The following HPSE2 variants were observed in gnomAD, a reference collection of about 807,000 sequenced individuals.
The protein encoded by HPSE2 is inactive heparanase-2.
In HPSE2, 38 loss-of-function variants were observed where a neutral mutation model predicts 60.5. The ratio of observed to expected loss-of-function variants is 0.63; its 90% CI spans 0.48 to 0.82. The LOEUF (loss-of-function observed/expected upper bound fraction) is 0.82, where lower values mean the gene tolerates loss of function less well. HPSE2 is among the 40% of genes least tolerant of loss of function. HPSE2 has a pLI of 0.00. For missense variants in HPSE2, 713 were observed against 740.4 expected, an observed-to-expected ratio of 0.96 and a Z score of 0.43; for synonymous variants, 295 against 293.2, an observed-to-expected ratio of 1.01 and a Z score of -0.06.
At chr10:99,139,035 C>G (rs2135762218) in intron 3 of HPSE2, among the ~76,000 whole-genome samples, 1 of 152,218 alleles carries the variant, frequency 6.6e-6, no homozygotes, top group African/African-American at 2.4e-5. Context: ...TGGAACCACC[C>G]TAAGGGCCCA....
At chr10:98,747,525 C>A (rs1468750706) in intron 3 of HPSE2, among the ~76,000 whole-genome samples, 1 of 152,088 alleles carries the variant, frequency 6.6e-6, no homozygotes, top group African/African-American at 2.4e-5. Context: ...AATGTGTCAA[C>A]ATAAAGAGCA....
At chr10:98,711,016 A>G (rs958932226) in intron 5 of HPSE2, among the ~76,000 whole-genome samples, 1 of 152,124 alleles carries the variant, frequency 6.6e-6, no homozygotes, top group Non-Finnish European at 1.5e-5. Flanking sequence ...ATGTGAGAGA[A>G]TAACACATAT....
At chr10:98,682,391 A>C (rs570981755) in intron 6 of HPSE2, among the ~76,000 whole-genome samples, 36 of 152,332 alleles carry the variant, frequency 2.4e-4, no homozygotes, top group African/African-American at 8.7e-4. Flanking sequence ...ACTCTGTCTC[A>C]GGTGTTTATG....
chr10:99,066,527 A>G (rs750699200), intron 3 of HPSE2, among the ~76,000 whole-genome samples: 1 of 152,194 alleles, frequency 6.6e-6, no homozygotes, highest in Non-Finnish European at 1.5e-5. Flanking sequence ...ATCATGGCAG[A>G]AGGCAAATGA....
chr10:98,584,235 C>T (rs1944880537), intron 9 of HPSE2, among the ~76,000 whole-genome samples: 1 of 152,122 alleles, frequency 6.6e-6, no homozygotes, highest in African/African-American at 2.4e-5. Context: ...ATAAAACATA[C>T]ATTAACTCCA....
chr10:98,513,263 A>G (rs1160413973), intron 9 of HPSE2, among the ~76,000 whole-genome samples: 1 of 152,182 alleles, frequency 6.6e-6, no homozygotes, highest in African/African-American at 2.4e-5. Context: ...TAAACTTTGA[A>G]AAAAATTACA....
intron 2 of HPSE2, among the ~76,000 whole-genome samples, chr10:99,230,808 A>C (rs1001949006): frequency 2.0e-5 from 3 of 152,194 alleles, no homozygotes; most frequent in Non-Finnish European, 2.9e-5. Flanking sequence ...GAAGTAGTTC[A>C]AATGGATTGG....
At chr10:98,745,572 T>A (rs1949610016) in intron 3 of HPSE2, among the ~76,000 whole-genome samples, 1 of 152,228 alleles carries the variant, frequency 6.6e-6, no homozygotes, top group Non-Finnish European at 1.5e-5. Context: ...TTTGTTGATG[T>A]CAGCCAGTTT....
chr10:99,291,743 T>C, the HPSE2 span, among the ~76,000 whole-genome samples: 1 of 152,344 alleles, frequency 6.6e-6, no homozygotes, highest in Non-Finnish European at 1.5e-5. Context: ...GTGATAGGGC[T>C]AGGCCCATCA....
intron 9 of HPSE2, among the ~76,000 whole-genome samples, chr10:98,540,954 G>A (rs1293768970): frequency 1.3e-5 from 2 of 152,162 alleles, no homozygotes; most frequent in Non-Finnish European, 1.5e-5. Context: ...GCAAGAACAC[G>A]GTGAGGAAGA....
chr10:98,773,950 G>A (rs1484218942), intron 3 of HPSE2, among the ~76,000 whole-genome samples: 1 of 152,022 alleles, frequency 6.6e-6, no homozygotes, highest in East Asian at 1.9e-4. Context: ...CCACCTACTG[G>A]GGGGCTGAGG....
At position 98,459,118 on chromosome 10, in the gene HPSE2, T is replaced by A; in HGVS notation, c.*456A>T. On this transcript the variant is annotated 3_prime_UTR_variant, in exon 12 of 12. Transcript: ENST00000370552. ...CAAGAAAGAGGCAGAGAAGAAGGAG[T>A]TGGGAGAGGATGGGTTTTTGTAGGT... 1 of 223,356 alleles carries A rather than the reference T, an allele frequency of 4.5e-6. No individual in the cohort carries two copies. The highest frequency in any genetic ancestry group is 9.0e-6 in the Non-Finnish European group (1 of 111,576). The allele number at this position is 223,356 out of a possible 1,614,324, so 13.8% of individuals were successfully genotyped here. A position where few individuals can be genotyped will look rare whatever the true frequency, so the allele number is the denominator to read the frequency against.
intron 2 of HPSE2, among the ~76,000 whole-genome samples, chr10:99,180,060 G>A (rs1407822481): frequency 6.6e-6 from 1 of 152,186 alleles, no homozygotes; most frequent in African/African-American, 2.4e-5. Context: ...CTAGCCATAT[G>A]CAGAAAGCTG....
At chr10:98,498,589 C>T (rs1284378620) in intron 9 of HPSE2, among the ~76,000 whole-genome samples, 4 of 152,100 alleles carry the variant, frequency 2.6e-5, no homozygotes, top group Non-Finnish European at 4.4e-5. Flanking sequence ...CAAAACAAGG[C>T]CCTTTAACAC....
rs192280557 is a variant in HPSE2 at position 98,893,251 on chromosome 10, G to C, written c.611-149195C>G. 2.5e-3 allele frequency among the ~76,000 whole-genome samples: 383 copies of C among 152,074 alleles called. 3 individuals are homozygous for C. Among genetic ancestry groups the C allele is most frequent in the African/African-American group, 8.8e-3 (364 of 41,482 alleles). On this transcript the variant is annotated intron_variant, in intron 3 of 11. Transcript: ENST00000370552. ...CCTGGCTAATTTTGTATTTTTAGTA[G>C]AGACAGGGTTTCTCCATGTTGGTCA... is the stretch of plus-strand genomic sequence containing the variant.
At chr10:98,798,242 G>C (rs188152479) in intron 3 of HPSE2, among the ~76,000 whole-genome samples, 2 of 152,084 alleles carry the variant, frequency 1.3e-5, no homozygotes, top group Non-Finnish European at 1.5e-5. Flanking sequence ...TATCCTTCAA[G>C]CATGCAGGAG....
chr10:98,695,631 T>C (rs1001423417), intron 5 of HPSE2, among the ~76,000 whole-genome samples: 1 of 152,140 alleles, frequency 6.6e-6, no homozygotes, highest in African/African-American at 2.4e-5. Context: ...ACACTCCAAA[T>C]AGCCAATTTT....
At chr10:98,637,108 G>T (rs539148684) in intron 7 of HPSE2, among the ~76,000 whole-genome samples, 1 of 148,810 alleles carries the variant, frequency 6.7e-6, no homozygotes, top group South Asian at 2.1e-4. Flanking sequence ...ATCCAAAGGG[G>T]TGAGTTGTCC....
At chr10:99,312,023 G>A in the HPSE2 span, among the ~76,000 whole-genome samples, 3 of 152,168 alleles carry the variant, frequency 2.0e-5, no homozygotes, top group African/African-American at 4.8e-5. Context: ...CAAGGCCCTA[G>A]CTCCCCTCAA....
Sources: gnomAD v4.1 joint callset for allele counts (sites outside exome capture counted in the v4.1 genomes callset) on GRCh38, gnomAD v4.1.1 for gene constraint, MANE v1.5 for transcripts, NCBI Gene and HGNC (gene_info 2026-07-23, HGNC 2026-07-21) for gene names.